Variants in FANK1 observed in about 807,000 individuals in gnomAD.
FANK1 encodes fibronectin type 3 and ankyrin repeat domains protein 1.
FANK1 carries 44 observed loss-of-function variants against 45.3 expected under a neutral mutation model. The ratio of observed to expected loss-of-function variants is 0.97; its 90% confidence interval spans 0.76 to 1.25. The LOEUF (loss-of-function observed/expected upper bound fraction) is 1.25. Ranked by LOEUF, FANK1 falls within the 50% of genes most tolerant of loss-of-function variation. The pLI, the probability that FANK1 is intolerant of heterozygous loss-of-function variation, is 0.00. For synonymous variants in FANK1, 149 were observed against 152.5 expected (o/e 0.98, Z 0.17); for missense variants, 391 against 424.4 (o/e 0.92, Z 0.69).
chr10:125,950,476 C>T (rs1412296838), intron 1 of FANK1, among the ~76,000 whole-genome samples: 4 of 151,890 alleles, frequency 2.6e-5, no homozygotes, highest in Non-Finnish European at 5.9e-5. Context: ...AGACACTTCT[C>T]AGAAGAAGAC....
intron 1 of FANK1, among the ~76,000 whole-genome samples, chr10:125,910,485 A>G (rs1044272474): frequency 6.6e-6 from 1 of 152,210 alleles, no homozygotes; most frequent in Non-Finnish European, 1.5e-5. Flanking sequence ...TTTCTGGTAT[A>G]TCATTCCAGA....
intron 1 of FANK1, among the ~76,000 whole-genome samples, chr10:125,910,223 A>T (rs950440665): frequency 3.3e-5 from 5 of 151,784 alleles, no homozygotes; most frequent in Admixed American, 3.3e-4. Context: ...TAACATATAC[A>T]TACTTCTAAT....
intron 3 of FANK1, chr10:125,994,725 T>C: frequency 1.0e-6 from 1 of 985,410 alleles, no homozygotes. Context: ...TTATTCTCCC[T>C]CTGCTTGTGC....
intron 1 of FANK1, among the ~76,000 whole-genome samples, chr10:125,927,880 G>A (rs77256866): frequency 2.6e-5 from 4 of 152,294 alleles, no homozygotes; most frequent in South Asian, 2.1e-4. Context: ...TGGTGCACAC[G>A]TGTGTACTTT....
intron 1 of FANK1, among the ~76,000 whole-genome samples, chr10:125,928,287 A>G (rs1947515182): frequency 7.3e-6 from 1 of 136,222 alleles, no homozygotes; most frequent in Non-Finnish European, 1.6e-5. Context: ...TTTAAAGACC[A>G]TGTAGGGTAA....
At chr10:125,928,129 G>A (rs1404888362) in intron 1 of FANK1, among the ~76,000 whole-genome samples, 1 of 152,118 alleles carries the variant, frequency 6.6e-6, no homozygotes, top group African/African-American at 2.4e-5. Context: ...TAAAGTGATA[G>A]CAGGTTTATT....
chr10:125,960,267 G>C, intron 1 of FANK1: 1 of 300,768 alleles, frequency 3.3e-6, no homozygotes. Flanking sequence ...GACCAGCAGG[G>C]CATCCTTTCA....
intron 3 of FANK1, among the ~76,000 whole-genome samples, chr10:125,989,736 G>A (rs543455663): frequency 6.6e-6 from 1 of 152,322 alleles, no homozygotes; most frequent in African/African-American, 2.4e-5. Flanking sequence ...AACATTTGCT[G>A]TAACATGGAA....
intron 7 of FANK1, among the ~76,000 whole-genome samples, chr10:126,005,675 C>T (rs1953142487): frequency 6.6e-6 from 1 of 152,142 alleles, no homozygotes; most frequent in Non-Finnish European, 1.5e-5. Flanking sequence ...CAAAGCTTTA[C>T]TAAGCATGTA....
intron 3 of FANK1, among the ~76,000 whole-genome samples, chr10:125,991,612 CTTTG>C (rs1231746705): frequency 6.6e-6 from 1 of 152,122 alleles, no homozygotes; most frequent in Non-Finnish European, 1.5e-5. Flanking sequence ...GAGGCATGCA[CTTTG>C]TTTGAATAAA....
chr10:125,963,024 G>A (rs181082698), intron 1 of FANK1, among the ~76,000 whole-genome samples: 2,794 of 146,000 alleles, frequency 0.019, 42 homozygotes, highest in Middle Eastern at 0.043. Context: ...TCGCTCTGTC[G>A]CCCAGGCTGG....
intron 1 of FANK1, among the ~76,000 whole-genome samples, chr10:125,971,011 T>G (rs529779322): frequency 6.6e-6 from 1 of 152,198 alleles, no homozygotes; most frequent in Admixed American, 6.5e-5. Context: ...TCCTTGCAAC[T>G]TTAGCTGTAT....
intron 1 of FANK1, among the ~76,000 whole-genome samples, chr10:125,945,401 G>A (rs538837096): frequency 2.0e-4 from 30 of 152,350 alleles, no homozygotes; most frequent in African/African-American, 7.0e-4. Context: ...CGCGCACCGT[G>A]CGCAAGCCGA....
chr10:125,947,207 A>C (rs1301768511), intron 1 of FANK1, among the ~76,000 whole-genome samples: 2 of 152,228 alleles, frequency 1.3e-5, no homozygotes, highest in East Asian at 3.9e-4. Flanking sequence ...TGCATCAACT[A>C]ACAAGCAAAA....
At position 125,964,818 on chromosome 10, in the gene FANK1, C is replaced by T. The variant is rs537889286; in HGVS notation, c.14-15343C>T. ...GCCAACTTGTTTTCCAAAGAGATTT[C>T]CCAATTTATACTCTACTGGCAGTTT... On this transcript the variant is annotated intron_variant, in intron 1 of 10. Transcript: ENST00000368693. Among the ~76,000 whole-genome samples, 4 of 152,264 alleles carry T rather than the reference C, an allele frequency of 2.6e-5. No individual in the cohort carries two copies. The East Asian group carries it at 7.7e-4, about 29-fold the overall frequency.
At chr10:125,968,620 CTG>C (rs1254875965) in intron 1 of FANK1, among the ~76,000 whole-genome samples, 1 of 152,152 alleles carries the variant, frequency 6.6e-6, no homozygotes, top group Admixed American at 6.5e-5. Flanking sequence ...CCACTTCTCT[CTG>C]TAGCTTTTGA....
intron 1 of FANK1, among the ~76,000 whole-genome samples, chr10:125,945,985 G>A (rs922264505): frequency 7.2e-5 from 11 of 152,132 alleles, no homozygotes; most frequent in Admixed American, 1.3e-4. Flanking sequence ...GAGGCACCCC[G>A]CAGCAGGGGC....
chr10:125,996,040 A>G (rs1952303484), intron 4 of FANK1, among the ~76,000 whole-genome samples: 1 of 152,208 alleles, frequency 6.6e-6, no homozygotes, highest in Non-Finnish European at 1.5e-5. Flanking sequence ...TCGGCTCTGT[A>G]ATTTGGAGCT....
At chr10:125,958,028 C>T (rs901742619) in intron 1 of FANK1, among the ~76,000 whole-genome samples, 3 of 151,902 alleles carry the variant, frequency 2.0e-5, no homozygotes, top group African/African-American at 4.8e-5. Context: ...ATTAGCATAT[C>T]GTCTGGAACA....
Sources: gnomAD v4.1 joint callset for allele counts (sites outside exome capture counted in the v4.1 genomes callset) on GRCh38, gnomAD v4.1.1 for gene constraint, MANE v1.5 for transcripts, NCBI Gene and HGNC (gene_info 2026-07-23, HGNC 2026-07-21) for gene names.